DCC: variants seen among roughly 807,000 people sequenced by gnomAD.
The protein encoded by DCC is DCC netrin 1 receptor, also known as netrin receptor DCC.
DCC carries 58 observed loss-of-function variants against 172.5 expected under a neutral mutation model. That is an observed-to-expected ratio of 0.34 (90% CI 0.27 to 0.42). DCC has a LOEUF of 0.42. Among genes scored for constraint, DCC ranks in the 10% least tolerant of loss-of-function variants. The pLI, the probability that DCC is intolerant of heterozygous loss-of-function variation, is 1.00. For synonymous variants in DCC, 709 were observed against 644.5 expected, an observed-to-expected ratio of 1.10 and a Z score of -1.52; for missense variants, 1,740 against 1,791.0, an observed-to-expected ratio of 0.97 and a Z score of 0.51.
In DCC at chr18:52,906,065, A is replaced by C. The variant is rs1003130251; in HGVS notation, c.434A>C (p.Gln145Pro). 6.2e-7 allele frequency: 1 copy of C among 1,612,542 alleles called. No individual in the cohort carries two copies. ...CTAGGACCACTGAGGTTCCTTTCAC[A>C]GACAGAATCTGTCACAGCCTTCATG... Reference protein sequence around the residue: ...AVAGPLRFLSQTESVTAFMGD... With the variant: ...AVAGPLRFLSPTESVTAFMGD... Residue 145 changes from glutamine (Q) to proline (P), a missense_variant, in exon 3 of 29, where the codon CAG becomes CCG. Around this residue, in one of 2 missense-constraint regions of DCC, gnomAD observed 1,732 missense variants for 1,767.4 expected, o/e 0.98. Coordinates refer to ENST00000442544, the MANE Select transcript of DCC (RefSeq NM_005215.4).
rs1185792954 is a variant in DCC at position 52,895,826 on chromosome 18, C to G, written c.413-10218C>G. ...TTGGGACAGACTGTTGCTGTGTTGCCCAGGCTGGAGTGCAGTGGCGCAATC... is the reference window on the plus strand; with the variant it reads ...TTGGGACAGACTGTTGCTGTGTTGCGCAGGCTGGAGTGCAGTGGCGCAATC... On this transcript the variant is annotated intron_variant, in intron 2 of 28. Coordinates refer to ENST00000442544, the MANE Select transcript of DCC (RefSeq NM_005215.4). Among the ~76,000 whole-genome samples the G allele has an allele frequency of 2.0e-5, 3 of 152,044 alleles. No individual in the cohort carries two copies. The East Asian group carries it at 5.8e-4, about 29-fold the overall frequency.
At chr18:53,366,342 C>T (rs1323132039) in intron 15 of DCC, among the ~76,000 whole-genome samples, 1 of 152,100 alleles carries the variant, frequency 6.6e-6, no homozygotes, top group Non-Finnish European at 1.5e-5. Context: ...GCCACCACAC[C>T]CAGCCCTTAA....
chr18:52,784,742 C>A (rs2037620476), intron 2 of DCC, among the ~76,000 whole-genome samples: 2 of 151,798 alleles, frequency 1.3e-5, no homozygotes, highest in South Asian at 4.2e-4. Flanking sequence ...GATCGTTTAC[C>A]CACTTTTTAA....
At chr18:52,652,709 A>G (rs2035160252) in intron 1 of DCC, among the ~76,000 whole-genome samples, 1 of 45,324 alleles carries the variant, frequency 2.2e-5, no homozygotes, top group Non-Finnish European at 5.1e-5. Context: ...GGACTGCAAT[A>G]AAGTGTGTGT....
intron 5 of DCC, among the ~76,000 whole-genome samples, chr18:52,970,015 A>G (rs1449875407): frequency 6.6e-6 from 1 of 150,678 alleles, no homozygotes; most frequent in East Asian, 1.9e-4. Flanking sequence ...ACTTGATTTG[A>G]CACATAATAT....
At chr18:53,360,861 C>T (rs1433119675) in intron 15 of DCC, among the ~76,000 whole-genome samples, 2 of 152,122 alleles carry the variant, frequency 1.3e-5, no homozygotes, top group East Asian at 3.9e-4. Context: ...AGAGAAGTGA[C>T]ATTTTAGAAA....
chr18:53,125,695 C>T (rs2043545819), intron 7 of DCC, among the ~76,000 whole-genome samples: 1 of 152,090 alleles, frequency 6.6e-6, no homozygotes, highest in Admixed American at 6.5e-5. Context: ...TCCTGGAGCA[C>T]CAGGCATTAG....
intron 3 of DCC, among the ~76,000 whole-genome samples, chr18:52,923,154 C>T (rs2040149871): frequency 6.6e-6 from 1 of 151,970 alleles, no homozygotes; most frequent in Non-Finnish European, 1.5e-5. Flanking sequence ...TAAAATAAAC[C>T]AACTTCAGTT....
At chr18:53,082,541 T>C (rs2042821698) in intron 7 of DCC, among the ~76,000 whole-genome samples, 1 of 152,118 alleles carries the variant, frequency 6.6e-6, no homozygotes, top group Non-Finnish European at 1.5e-5. Context: ...AAAATAAATA[T>C]ATGAAGACTT....
At chr18:52,639,846 C>T in intron 1 of DCC, among the ~76,000 whole-genome samples, 1 of 151,938 alleles carries the variant, frequency 6.6e-6, no homozygotes, top group East Asian at 1.9e-4. Flanking sequence ...AAGAAGAAAC[C>T]CTCCCTAATT....
intron 2 of DCC, among the ~76,000 whole-genome samples, chr18:52,793,441 C>T (rs2037814151): frequency 6.6e-6 from 1 of 152,166 alleles, no homozygotes; most frequent in Non-Finnish European, 1.5e-5. Context: ...GACTCCCATA[C>T]CCTTACCATC....
chr18:52,525,587 A>G (rs1475549607), intron 1 of DCC, among the ~76,000 whole-genome samples: 1 of 152,248 alleles, frequency 6.6e-6, no homozygotes, highest in Non-Finnish European at 1.5e-5. Flanking sequence ...ATTATTCACT[A>G]TTTAACCATT....
intron 5 of DCC, among the ~76,000 whole-genome samples, chr18:52,963,039 G>C (rs1427428353): frequency 1.3e-5 from 2 of 151,326 alleles, no homozygotes; most frequent in Non-Finnish European, 2.9e-5. Flanking sequence ...ACACCAACAT[G>C]GCACATGTAT....
chr18:52,377,941 C>T (rs1285550762), intron 1 of DCC, among the ~76,000 whole-genome samples: 1 of 151,954 alleles, frequency 6.6e-6, no homozygotes, highest in Non-Finnish European at 1.5e-5. Context: ...CTCAAGTGAT[C>T]CCCCTGCCTC....
chr18:53,185,652 T>G (rs1296795499), intron 9 of DCC, among the ~76,000 whole-genome samples: 1 of 152,152 alleles, frequency 6.6e-6, no homozygotes, highest in African/African-American at 2.4e-5. Flanking sequence ...AACATTTCCA[T>G]TATTTCAGAA....
intron 23 of DCC, among the ~76,000 whole-genome samples, chr18:53,458,670 G>A (rs1265671949): frequency 2.0e-5 from 3 of 152,194 alleles, no homozygotes; most frequent in Non-Finnish European, 4.4e-5. Context: ...TGGACACTCA[G>A]TGATGCCAAG....
intron 1 of DCC, among the ~76,000 whole-genome samples, chr18:52,696,154 A>C (rs66893782): frequency 0.17 from 26,397 of 152,228 alleles, 2,593 homozygotes; most frequent in Admixed American, 0.26. Context: ...AATTTAATGA[A>C]TATGGTCTTT....
chr18:53,303,436 A>T (rs537975733), intron 12 of DCC, among the ~76,000 whole-genome samples: 1 of 152,088 alleles, frequency 6.6e-6, no homozygotes, highest in East Asian at 1.9e-4. Context: ...CACTTCCTTT[A>T]TGCTAAGGGC....
chr18:52,453,507 A>C (rs1308774970), intron 1 of DCC, among the ~76,000 whole-genome samples: 5 of 152,244 alleles, frequency 3.3e-5, no homozygotes, highest in Non-Finnish European at 7.3e-5. Flanking sequence ...GGTTTTCATT[A>C]CAAGATAAAT....
Sources: gnomAD v4.1 joint callset for allele counts (sites outside exome capture counted in the v4.1 genomes callset) on GRCh38, gnomAD v4.1.1 for gene constraint, gnomAD v4.1.1 regional missense constraint, MANE v1.5 for transcripts, NCBI Gene and HGNC (gene_info 2026-07-23, HGNC 2026-07-21) for gene names.